BCL7B: variants seen among roughly 807,000 people sequenced by gnomAD.
The protein encoded by BCL7B is B-cell CLL/lymphoma 7 protein family member B.
Under a neutral mutation model 26.5 loss-of-function variants are expected in BCL7B, and 11 were observed. The observed-to-expected ratio is 0.42, with a 90% CI of 0.26 to 0.69. The LOEUF (loss-of-function observed/expected upper bound fraction) is 0.69. BCL7B is among the 30% of genes least tolerant of loss of function. The pLI is 0.28. For synonymous variants in BCL7B, 111 were observed against 107.9 expected, an observed-to-expected ratio of 1.03 and a Z score of -0.18; for missense variants, 215 against 264.4, an observed-to-expected ratio of 0.81 and a Z score of 1.30.
intron 2 of BCL7B, among the ~76,000 whole-genome samples, chr7:73,551,486 A>G (rs1315496685): frequency 6.6e-6 from 1 of 151,970 alleles, no homozygotes; most frequent in Non-Finnish European, 1.5e-5. Flanking sequence ...TATTTTTAGT[A>G]GAGACAGGGG....
chr7:73,554,523 C>A (rs1792292119), intron 1 of BCL7B, among the ~76,000 whole-genome samples: 1 of 151,962 alleles, frequency 6.6e-6, no homozygotes, highest in Non-Finnish European at 1.5e-5. Flanking sequence ...TAGGGCCGGG[C>A]ACGGTGGCTC....
intron 2 of BCL7B, among the ~76,000 whole-genome samples, chr7:73,551,861 T>C (rs1792184511): frequency 6.6e-6 from 1 of 152,022 alleles, no homozygotes; most frequent in South Asian, 2.1e-4. Context: ...TTTGGGAGGC[T>C]GAGGCAGGTG....
At chr7:73,538,815 TAAAAAAAAAA>T (rs1159395373) in intron 4 of BCL7B, among the ~76,000 whole-genome samples, 3 of 94,564 alleles carry the variant, frequency 3.2e-5, no homozygotes, top group African/African-American at 1.2e-4. Context: ...CCTATCTCTT[TAAAAAAAAAA>T]AAAAAAAAAA....
At chr7:73,546,936 G>A (rs62466283) in intron 2 of BCL7B, among the ~76,000 whole-genome samples, 6,492 of 143,632 alleles carry the variant, frequency 0.045, 184 homozygotes, top group Non-Finnish European at 0.069. Context: ...AGGCCAAGGC[G>A]GGCGGATCAC....
intron 1 of BCL7B, among the ~76,000 whole-genome samples, chr7:73,556,685 G>A (rs1792372488): frequency 6.6e-6 from 1 of 152,084 alleles, no homozygotes; most frequent in African/African-American, 2.4e-5. Flanking sequence ...GCCGTGGCAC[G>A]ATCATAGCTC....
chr7:73,552,599 T>A (rs1792216985), intron 1 of BCL7B, among the ~76,000 whole-genome samples: 1 of 151,160 alleles, frequency 6.6e-6, no homozygotes, highest in South Asian at 2.1e-4. Context: ...GCCAACATGG[T>A]GAAACTCTGT....
intron 2 of BCL7B, among the ~76,000 whole-genome samples, chr7:73,548,578 C>T (rs1792041726): frequency 6.6e-6 from 1 of 151,978 alleles, no homozygotes; most frequent in Non-Finnish European, 1.5e-5. Context: ...GATTACATCA[C>T]TGCATTCCAG....
At chr7:73,555,401 C>CAAAAAAAAA (rs71517395) in intron 1 of BCL7B, among the ~76,000 whole-genome samples, 1 of 136,766 alleles carries the variant, frequency 7.3e-6, no homozygotes, top group African/African-American at 2.9e-5. Flanking sequence ...GACTCTGTCT[C>CAAAAAAAAA]AAAAAAAAAG....
intron 2 of BCL7B, among the ~76,000 whole-genome samples, chr7:73,547,313 G>A (rs540215769): frequency 6.6e-6 from 1 of 152,252 alleles, no homozygotes; most frequent in Admixed American, 6.5e-5. Context: ...TAATTTAAAA[G>A]TTTGCCAGGC....
chr7:73,556,903 G>A (rs1792381662), intron 1 of BCL7B: 1 of 943,244 alleles, frequency 1.1e-6, no homozygotes, highest in Admixed American at 6.1e-5. Flanking sequence ...GGACTCTCCT[G>A]ACAGCCGCCG....
Position 73,552,218 on chromosome 7 carries a change from A to C in BCL7B, c.117T>G (p.Gly39=), listed in dbSNP as rs782154446. The C allele has an allele frequency of 1.3e-5, 21 of 1,609,620 alleles. No individual in the cohort carries two copies. The Admixed American group carries it at 2.9e-4, about 22-fold the overall frequency. Residue 39 remains glycine (G), a synonymous_variant, in exon 2 of 6, where the codon GGT becomes GGG. Coordinates refer to ENST00000223368, the MANE Select transcript of BCL7B (RefSeq NM_001707.4). ...ACTTAAATATCCTCAGGGACGTGTC[A>C]CCCACAGTCACCCACTTCTTCTCCC... is the stretch of plus-strand genomic sequence containing the variant. ...RKWEKKWVTV[G]DTSLRIFKWV... is the part of the protein sequence containing the mutation.
At position 73,537,388 on chromosome 7, in the gene BCL7B, G is replaced by A. The variant is rs199739307; in HGVS notation, c.519C>T (p.Val173=). 1.1e-5 allele frequency: 18 copies of A among 1,613,488 alleles called. No individual in the cohort carries two copies. The highest frequency in any genetic ancestry group is 6.7e-5 in the African/African-American group (5 of 74,892). The part of the protein sequence containing the change: ...KEEPVPLETQ[V]VEEEEDSGAP... ...CACCTGAGTCTTCCTCTTCCTCAAC[G>A]ACCTAGGAGCAGGCAGAGCATGGAA... Residue 173 remains valine, a splice_region_variant and synonymous_variant, in exon 6 of 6, where the codon GTC becomes GTT. Transcript: ENST00000223368.
chr7:73,538,672 G>C (rs1791633279), intron 4 of BCL7B, among the ~76,000 whole-genome samples: 1 of 151,918 alleles, frequency 6.6e-6, no homozygotes, highest in African/African-American at 2.4e-5. Context: ...AAGAAAGCCA[G>C]GCATGGTGGC....
At position 73,536,548 on chromosome 7, in the gene BCL7B, G is replaced by A. The variant is rs782259609; in HGVS notation, c.*750C>T. 3 of 152,436 alleles carry A rather than the reference G, an allele frequency of 2.0e-5. No individual in the cohort carries two copies. The highest frequency in any genetic ancestry group is 6.5e-5 in the Admixed American group (1 of 15,274). The allele number at this position is 152,436 out of a possible 1,614,324, so 9.4% of individuals were successfully genotyped here. Reference sequence around the variant, plus strand: ...GAGCTGAAGGGGTACTGTGGGGGATGGGTACTGTTGTCAGAACCTCAAATT... The same window carrying A: ...GAGCTGAAGGGGTACTGTGGGGGATAGGTACTGTTGTCAGAACCTCAAATT... On this transcript the variant is annotated 3_prime_UTR_variant, in exon 6 of 6. Transcript: ENST00000223368.
At chr7:73,539,824 A>G (rs1292485929) in intron 4 of BCL7B, 58 bp downstream of exon 4, 6 of 1,585,456 alleles carry the variant, frequency 3.8e-6, no homozygotes, top group South Asian at 2.2e-5. Context: ...ACGAGACACA[A>G]CAAGAGCAGA....
At chr7:73,557,101 C>T (rs537431797) in intron 1 of BCL7B, 3 of 992,394 alleles carry the variant, frequency 3.0e-6, no homozygotes, top group Non-Finnish European at 2.4e-6. Flanking sequence ...CACTCCAGGG[C>T]TACTCGCTAT....
intron 3 of BCL7B, among the ~76,000 whole-genome samples, chr7:73,541,844 T>C (rs1791782656): frequency 6.6e-6 from 1 of 152,186 alleles, no homozygotes; most frequent in South Asian, 2.1e-4. Flanking sequence ...CTGGCCTCAG[T>C]GCCTACTGTT....
At chr7:73,548,153 G>A (rs1266318916) in intron 2 of BCL7B, among the ~76,000 whole-genome samples, 1 of 152,114 alleles carries the variant, frequency 6.6e-6, no homozygotes, top group African/African-American at 2.4e-5. Context: ...GGCGAGCCTG[G>A]GCGCAGTGGC....
intron 4 of BCL7B, chr7:73,539,675 A>G (rs1320593064): frequency 3.5e-6 from 2 of 565,310 alleles, no homozygotes; most frequent in Non-Finnish European, 6.0e-6. Context: ...TTCCTTCCAC[A>G]CAGCCTGGCA....
Sources: gnomAD v4.1 joint callset for allele counts (sites outside exome capture counted in the v4.1 genomes callset) on GRCh38, gnomAD v4.1.1 for gene constraint, MANE v1.5 for transcripts, NCBI Gene and HGNC (gene_info 2026-07-23, HGNC 2026-07-21) for gene names.